USP34: variants seen among roughly 807,000 people sequenced by gnomAD.
USP34 encodes ubiquitin carboxyl-terminal hydrolase 34.
In USP34, 70 loss-of-function variants were observed where a neutral mutation model predicts 460.3. That is an observed-to-expected ratio of 0.15 (90% CI 0.13 to 0.19). USP34 has a LOEUF of 0.19. Among genes scored for constraint, USP34 ranks in the 10% least tolerant of loss-of-function variants. The probability of loss-of-function intolerance (pLI) is 1.00; values close to 1 mark genes in which losing one functional copy is unlikely to be tolerated. For missense variants in USP34, 3,985 were observed against 4,236.2 expected, an observed-to-expected ratio of 0.94 and a Z score of 1.65; for synonymous variants, 1,647 against 1,405.3, an observed-to-expected ratio of 1.17 and a Z score of -3.85.
At chr2:61,244,872 A>ACTG (rs1336387572) in intron 51 of USP34, among the ~76,000 whole-genome samples, 135 of 152,262 alleles carry the variant, frequency 8.9e-4, no homozygotes, top group African/African-American at 3.2e-3. Flanking sequence ...TTTTCAGATT[A>ACTG]AGTCAGTAAA....
rs1689760547 is a variant in USP34, at chr2:61,288,613, C to A, written c.4749+64G>T. 3 of 1,513,090 alleles carry A rather than the reference C, an allele frequency of 2.0e-6. No homozygotes were observed. The South Asian group carries it at 3.4e-5, about 17-fold the overall frequency. The allele number at this position is 1,513,090 out of a possible 1,614,324, so 93.7% of individuals were successfully genotyped here. On this transcript the variant is annotated intron_variant, in intron 34 of 79. Coordinates refer to ENST00000398571, the MANE Select transcript of USP34 (RefSeq NM_014709.4). ...CTAGAATACATTTCTTAAGCATTAGCATATTTCTTCAGTTTATAAAAATAA... is the reference window on the plus strand; with the variant it reads ...CTAGAATACATTTCTTAAGCATTAGAATATTTCTTCAGTTTATAAAAATAA...
In USP34 at chr2:61,470,755, G is replaced by C. The variant is rs896019156; in HGVS notation, c.-63C>G. On this transcript the variant is annotated 5_prime_UTR_variant, in exon 1 of 80. Coordinates refer to ENST00000398571, the MANE Select transcript of USP34 (RefSeq NM_014709.4). Reference sequence around the variant, plus strand: ...CACACTGACTGATCCCGACCGGCGGGGGGGAGGGGAGAGAGGCGGAGGAGG... The same window carrying C: ...CACACTGACTGATCCCGACCGGCGGCGGGGAGGGGAGAGAGGCGGAGGAGG... 2.9e-5 allele frequency: 43 copies of C among 1,463,410 alleles called. No individual in the cohort carries two copies. The highest frequency in any genetic ancestry group is 3.6e-5 in the Non-Finnish European group (38 of 1,068,392). The allele number at this position is 1,463,410 out of a possible 1,614,324, so 90.7% of individuals were successfully genotyped here. A position where few individuals can be genotyped will look rare whatever the true frequency, so the allele number is the denominator to read the frequency against.
chr2:61,260,915 T>C (rs1046315930), intron 43 of USP34, among the ~76,000 whole-genome samples: 37 of 152,214 alleles, frequency 2.4e-4, no homozygotes, highest in African/African-American at 8.7e-4. Context: ...TTTTACTTAA[T>C]GCGCAATTTT....
chr2:61,254,351 T>G (rs1419223458), intron 48 of USP34, among the ~76,000 whole-genome samples: 1 of 152,230 alleles, frequency 6.6e-6, no homozygotes, highest in African/African-American at 2.4e-5. Context: ...ATTACATTAT[T>G]TCTCAGGCAG....
intron 1 of USP34, among the ~76,000 whole-genome samples, chr2:61,423,195 C>A (rs1694412443): frequency 6.6e-6 from 1 of 152,156 alleles, no homozygotes; most frequent in South Asian, 2.1e-4. Flanking sequence ...CTCACTGCAA[C>A]CTCTGCCTCC....
At position 61,223,163 on chromosome 2, in the gene USP34, C is replaced by G. The variant is rs1392318626; in HGVS notation, c.7646G>C (p.Gly2549Ala). The G allele has an allele frequency of 6.2e-7, 1 of 1,613,386 alleles. No homozygotes were observed. Among genetic ancestry groups the G allele is most frequent in the Non-Finnish European group, 8.5e-7 (1 of 1,179,646 alleles). Reference sequence around the variant, plus strand: ...AATATGTTGAAACAAGAAGGGAAATCCCTGTCAAAAGCAAAAGTTGTTCAT... The same window carrying G: ...AATATGTTGAAACAAGAAGGGAAATGCCTGTCAAAAGCAAAAGTTGTTCAT... ...TDMAALTGGK[G>A]FPFLFQHIRD... The change falls in exon 64 of 80, where the codon GGA becomes GCA. Residue 2549 changes from glycine (G) to alanine (A), a missense_variant and splice_region_variant. Physicochemically the swap from Gly to Ala is moderately conservative, Grantham distance 60 (BLOSUM62 0). Transcript: ENST00000398571.
chr2:61,282,534 T>C (rs1053109540), intron 37 of USP34, among the ~76,000 whole-genome samples: 5 of 152,116 alleles, frequency 3.3e-5, no homozygotes, highest in Non-Finnish European at 7.4e-5. Context: ...ATGCCTATAA[T>C]CCCAAGCAGT....
chr2:61,203,112 G>A (rs1687023734), intron 75 of USP34, 28 bp downstream of exon 75: 8 of 1,513,680 alleles, frequency 5.3e-6, no homozygotes, highest in Non-Finnish European at 7.1e-6. Context: ...TAATTCAGTG[G>A]AATTTACTGC....
rs2103723494 is a variant in USP34, at chr2:61,187,935, T to TTCA, written c.*164_*166dup. ...AAGTATACTGAAGATGCAAGTTTTT[T>TTCA]TCATCTGGAGTTCTGCCTGACCAAG... On this transcript the variant is annotated 3_prime_UTR_variant, in exon 80 of 80. Transcript: ENST00000398571. 7.0e-7 allele frequency: 1 copy of TTCA among 1,432,502 alleles called. No homozygotes were observed. The highest frequency in any genetic ancestry group is 9.2e-7 in the Non-Finnish European group (1 of 1,091,230). 88.7% of individuals were successfully genotyped at this position (1,432,502 alleles called of 1,614,324 possible).
intron 10 of USP34, among the ~76,000 whole-genome samples, chr2:61,366,005 A>G (rs1010103913): frequency 1.3e-5 from 2 of 151,466 alleles, no homozygotes; most frequent in Non-Finnish European, 3.0e-5. Context: ...AGGCTGGGGT[A>G]CAATGGCGTG....
rs1428335576 is a variant in USP34, at chr2:61,211,815, A to G, written c.8797T>C (p.Leu2933=). ...CAGGAGCGGCCATCTAAGCAACGTA[A>G]GTAACAACTTATGGTTGTTTTCTTG... is the stretch of plus-strand genomic sequence containing the variant. The part of the protein sequence containing the change: ...QFKKTTISCY[L]RCLDGRSCWT... Residue 2933 remains leucine, a synonymous_variant, in exon 69 of 80, where the codon TTA becomes CTA. Transcript: ENST00000398571. The G allele has an allele frequency of 1.2e-6, 2 of 1,600,404 alleles. No homozygotes were observed. Among genetic ancestry groups the G allele is most frequent in the Non-Finnish European group, 1.7e-6 (2 of 1,175,754 alleles).
At chr2:61,468,644 T>TA (rs1695856681) in intron 1 of USP34, among the ~76,000 whole-genome samples, 1 of 152,222 alleles carries the variant, frequency 6.6e-6, no homozygotes, top group African/African-American at 2.4e-5. Flanking sequence ...ACAGGTTTCT[T>TA]AGAGGGTGCA....
At chr2:61,423,332 G>T (rs1052189140) in intron 1 of USP34, among the ~76,000 whole-genome samples, 2 of 151,908 alleles carry the variant, frequency 1.3e-5, no homozygotes, top group Non-Finnish European at 2.9e-5. Context: ...GGCTGCTCTC[G>T]AACTCCTGAT....
intron 25 of USP34, among the ~76,000 whole-genome samples, chr2:61,312,705 A>G (rs1690632018): frequency 6.6e-6 from 1 of 152,120 alleles, no homozygotes; most frequent in Non-Finnish European, 1.5e-5. Flanking sequence ...TTTAAGCCCA[A>G]TTAATAATTT....
At chr2:61,295,930 G>A (rs901076320) in intron 30 of USP34, among the ~76,000 whole-genome samples, 40 of 152,150 alleles carry the variant, frequency 2.6e-4, no homozygotes, top group African/African-American at 8.4e-4. Context: ...TTTCGGAGAT[G>A]TCCTCAAATA....
At chr2:61,377,720 T>C (rs889171825) in intron 8 of USP34, among the ~76,000 whole-genome samples, 1 of 152,172 alleles carries the variant, frequency 6.6e-6, no homozygotes, top group Non-Finnish European at 1.5e-5. Context: ...TTCTGTTGTT[T>C]ATAAGTCATC....
At chr2:61,389,553 GATAA>G (rs1339121222) in intron 5 of USP34, among the ~76,000 whole-genome samples, 1 of 152,072 alleles carries the variant, frequency 6.6e-6, no homozygotes, top group East Asian at 1.9e-4. Flanking sequence ...TTCCCATTGT[GATAA>G]ATGAGAAAAG....
At chr2:61,194,015 T>A (rs748600542) in intron 75 of USP34, 18 of 671,184 alleles carry the variant, frequency 2.7e-5, no homozygotes, top group Non-Finnish European at 3.3e-5. Flanking sequence ...AAAAAAAATT[T>A]AAAAATATGA....
chr2:61,314,649 T>A lies in USP34; in HGVS notation c.3478A>T (p.Ser1160Cys). The A allele has an allele frequency of 6.2e-7, 1 of 1,603,292 alleles. No individual in the cohort carries two copies. The highest frequency in any genetic ancestry group is 2.2e-5 in the East Asian group (1 of 44,734). ...SSSLEQESHS[S>C]LMVIERGLLM... ...AGTCCTCTTTCTATAACCATGAGACTTGAGTGTGATTCCTGTTCAAGACTG... is the reference window on the plus strand; with the variant it reads ...AGTCCTCTTTCTATAACCATGAGACATGAGTGTGATTCCTGTTCAAGACTG... The change falls in exon 25 of 80, where the codon AGT becomes TGT. Residue 1160 changes from serine (S) to cysteine (C), a missense_variant. Physicochemically the swap from Ser to Cys is moderately radical, Grantham distance 112. Transcript: ENST00000398571.
Sources: allele counts gnomAD v4.1 joint callset (sites outside exome capture counted in the v4.1 genomes callset), GRCh38; gene constraint gnomAD v4.1.1; transcripts MANE v1.5; gene names NCBI Gene and HGNC (gene_info 2026-07-23, HGNC 2026-07-21).